The following DRC1 variants were observed in gnomAD, a reference collection of about 807,000 sequenced individuals.
DRC1 encodes the protein dynein regulatory complex subunit 1.
DRC1 carries 74 observed loss-of-function variants against 98.7 expected under a neutral mutation model. The observed-to-expected ratio is 0.75, with a 90% CI of 0.62 to 0.91. The LOEUF (loss-of-function observed/expected upper bound fraction) is 0.91. DRC1 is among the 40% of genes least tolerant of loss of function. DRC1 has a pLI of 0.00. For synonymous variants in DRC1, 336 were observed against 334.1 expected (o/e 1.01, Z -0.06); for missense variants, 875 against 886.0 (o/e 0.99, Z 0.16).
At chr2:26,449,413 A>G (rs1288508500) in intron 11 of DRC1, among the ~76,000 whole-genome samples, 1 of 152,126 alleles carries the variant, frequency 6.6e-6, no homozygotes, top group African/African-American at 2.4e-5. Flanking sequence ...GCTGCTGCTG[A>G]AGGGGTCAGG....
At chr2:26,444,428 G>A in intron 9 of DRC1, 72 bp downstream of exon 9, 1 of 1,560,734 alleles carries the variant, frequency 6.4e-7, no homozygotes, top group South Asian at 1.2e-5. Context: ...TGTACAAGCT[G>A]TGATTTCGTT....
At chr2:26,436,494 G>T (rs185660422) in intron 7 of DRC1, among the ~76,000 whole-genome samples, 1 of 151,556 alleles carries the variant, frequency 6.6e-6, no homozygotes, top group Non-Finnish European at 1.5e-5. Flanking sequence ...ATTTTTTTTT[G>T]TAGAGATAGG....
intron 4 of DRC1, among the ~76,000 whole-genome samples, chr2:26,427,824 A>G (rs547288960): frequency 5.3e-5 from 8 of 152,330 alleles, no homozygotes; most frequent in African/African-American, 1.9e-4. Context: ...GAGAACATGC[A>G]AAGTTTGAAT....
chr2:26,441,670 G>A (rs911459934), intron 8 of DRC1, among the ~76,000 whole-genome samples: 1 of 152,158 alleles, frequency 6.6e-6, no homozygotes, highest in African/African-American at 2.4e-5. Context: ...TGGTCTGAAG[G>A]CAAGGAGGTA....
At chr2:26,444,402 T>G in intron 9 of DRC1, 46 bp downstream of exon 9, 1 of 1,592,462 alleles carries the variant, frequency 6.3e-7, no homozygotes, top group Middle Eastern at 1.7e-4. Context: ...AGCATAGAGG[T>G]GACGGGGATG....
rs116554369 is a variant in DRC1, at chr2:26,441,420, T to C, written c.1028+903T>C. Among the ~76,000 whole-genome samples the C allele has an allele frequency of 3.2e-3, 494 of 152,330 alleles. 5 individuals carry two copies. The highest frequency in any genetic ancestry group is 0.011 in the African/African-American group (475 of 41,566). On this transcript the variant is annotated intron_variant, in intron 8 of 16. Transcript: ENST00000288710. ...GATACTGAATAAATGGGATGGCATC[T>C]TAAGCCTGATTATCTGAGAAATAAG...
chr2:26,418,713 A>G (rs1678934539), intron 2 of DRC1, among the ~76,000 whole-genome samples: 1 of 98,766 alleles, frequency 1.0e-5, no homozygotes, highest in Admixed American at 1.4e-4. Context: ...TTTAATTTAT[A>G]TAATATATAA....
intron 2 of DRC1, among the ~76,000 whole-genome samples, chr2:26,416,383 G>A (rs1678804066): frequency 6.6e-6 from 1 of 152,032 alleles, no homozygotes; most frequent in Non-Finnish European, 1.5e-5. Context: ...CCAGTGATCT[G>A]CCTGCCTCAG....
intron 2 of DRC1, among the ~76,000 whole-genome samples, chr2:26,415,410 G>C (rs1678764993): frequency 1.3e-5 from 2 of 152,204 alleles, no homozygotes; most frequent in Admixed American, 6.5e-5. Context: ...AATTTTAAGA[G>C]CAGAGGAGAG....
intron 14 of DRC1, 98 bp downstream of exon 14, chr2:26,453,647 T>C: frequency 1.6e-6 from 2 of 1,239,318 alleles, no homozygotes; most frequent in Non-Finnish European, 2.3e-6. Context: ...AAGAGTCTGC[T>C]GGGCAAGATG....
intron 11 of DRC1, 101 bp downstream of exon 11, chr2:26,448,904 T>A: frequency 8.1e-7 from 1 of 1,227,328 alleles, no homozygotes; most frequent in Non-Finnish European, 1.2e-6. Context: ...AGTGGGCCAG[T>A]CCTCCCCTGG....
At chr2:26,440,235 C>T in intron 7 of DRC1, 143 bp from the exon 8 acceptor site, 1 of 1,087,004 alleles carries the variant, frequency 9.2e-7, no homozygotes, top group Admixed American at 3.9e-5. Flanking sequence ...TAAATATTTA[C>T]CTATATAAAG....
chr2:26,440,993 T>C (rs908918166), intron 8 of DRC1, among the ~76,000 whole-genome samples: 1 of 152,226 alleles, frequency 6.6e-6, no homozygotes, highest in Non-Finnish European at 1.5e-5. Context: ...GCTTCCAACC[T>C]TTTCCTCTTG....
chr2:26,416,928 T>A lies in DRC1; in HGVS notation c.243+2497T>A, dbSNP rs1000374544. ...TGAGGAGGCCTCAGGAAGCTTCTAA[T>A]CATGGCAGAAGGCAAAGGGGAAGCA... On this transcript the variant is annotated intron_variant, in intron 2 of 16. Transcript: ENST00000288710. Among the ~76,000 whole-genome samples the A allele has an allele frequency of 2.6e-5, 4 of 152,152 alleles. No individual in the cohort carries two copies. The East Asian group carries it at 5.8e-4, about 22-fold the overall frequency.
chr2:26,413,020 G>T (rs1678670164), intron 1 of DRC1, among the ~76,000 whole-genome samples: 1 of 152,154 alleles, frequency 6.6e-6, no homozygotes, highest in African/African-American at 2.4e-5. Context: ...CTGACCTCGC[G>T]ATCCACCCGC....
intron 6 of DRC1, 86 bp downstream of exon 6, chr2:26,430,958 C>CTTTTTTTTTTTTTTTTT: frequency 2.9e-6 from 1 of 344,494 alleles, no homozygotes; most frequent in South Asian, 3.6e-5. Flanking sequence ...CTTTTTCTAT[C>CTTTTTTTTTTTTTTTTT]TTTTTTTTTT....
At position 26,454,931 on chromosome 2, in the gene DRC1, T is replaced by C. The variant is rs977376225; in HGVS notation, c.2063+141T>C. On this transcript the variant is annotated intron_variant, in intron 15 of 16. Coordinates refer to ENST00000288710, the MANE Select transcript of DRC1 (RefSeq NM_145038.5). The surrounding 1 kb of genome is among the most constrained non-coding windows in gnomAD (Gnocchi z 5.2). ...CCTTGGCATCTCCTGTGTGGGTGGA[T>C]CATGTGGGGCAGTTGGCTCTTGGGC... 6.8e-7 allele frequency: 1 copy of C among 1,462,050 alleles called. No homozygotes were observed. Among genetic ancestry groups the C allele is most frequent in the African/African-American group, 1.4e-5 (1 of 71,514 alleles). The allele number at this position is 1,462,050 out of a possible 1,614,324, so 90.6% of individuals were successfully genotyped here.
At chr2:26,417,855 C>T (rs1455833176) in intron 2 of DRC1, among the ~76,000 whole-genome samples, 1 of 152,116 alleles carries the variant, frequency 6.6e-6, no homozygotes, top group East Asian at 1.9e-4. Context: ...GGTGACCTTG[C>T]CAAATTCACT....
intron 7 of DRC1, among the ~76,000 whole-genome samples, chr2:26,438,114 A>T (rs1198762582): frequency 6.8e-6 from 1 of 147,258 alleles, no homozygotes; most frequent in Non-Finnish European, 1.5e-5. Context: ...AAAAAAAAGG[A>T]TTCTGTACCA....
Sources: gnomAD v4.1 joint callset for allele counts (sites outside exome capture counted in the v4.1 genomes callset) on GRCh38, gnomAD v4.1.1 for gene constraint, Gnocchi (gnomAD v3.1) non-coding constraint, MANE v1.5 for transcripts, NCBI Gene and HGNC (gene_info 2026-07-23, HGNC 2026-07-21) for gene names.